The following GATA4 variants were observed in gnomAD, a reference collection of about 807,000 sequenced individuals.
GATA4 encodes transcription factor GATA-4.
A neutral mutation model predicts 37.9 loss-of-function variants in GATA4; 7 were observed. The ratio of observed to expected loss-of-function variants is 0.18; its 90% CI spans 0.11 to 0.35. The LOEUF (loss-of-function observed/expected upper bound fraction) is 0.35. Ranked by LOEUF, GATA4 falls within the 10% of genes least tolerant of loss-of-function variation. The pLI is 1.00. For missense variants in GATA4, 647 were observed against 653.0 expected (o/e 0.99, Z 0.10); for synonymous variants, 372 against 292.6 (o/e 1.27, Z -2.77).
rs376482425 is a variant in GATA4 at position 11,737,696 on chromosome 8, C to A, written c.617-11220C>A. On this transcript the variant is annotated intron_variant, in intron 2 of 6. Coordinates refer to ENST00000532059, the MANE Select transcript of GATA4 (RefSeq NM_001308093.3). The stretch of plus-strand genomic sequence containing the variant: ...CAGGAGTGCAGCAAAGCTGAGGACC[C>A]ACTTGGGAAATGGGTTCCATTTTCC... Among the ~76,000 whole-genome samples the A allele has an allele frequency of 3.3e-5, 5 of 152,244 alleles. No homozygotes were observed. The South Asian group carries it at 6.2e-4, about 19-fold the overall frequency.
chr8:11,750,297 C>A, intron 4 of GATA4, 61 bp downstream of exon 4: 1 of 1,601,302 alleles, frequency 6.2e-7, no homozygotes, highest in Non-Finnish European at 8.5e-7. Flanking sequence ...CTCAGTCCTC[C>A]CTTGTCTTCT....
At chr8:11,739,996 C>T (rs953500419) in intron 2 of GATA4, among the ~76,000 whole-genome samples, 2 of 152,226 alleles carry the variant, frequency 1.3e-5, no homozygotes, top group African/African-American at 4.8e-5. Flanking sequence ...CTCAACAAGG[C>T]AGTGGACAGG....
chr8:11,754,031 C>T (rs1802433862), intron 4 of GATA4, among the ~76,000 whole-genome samples: 1 of 152,216 alleles, frequency 6.6e-6, no homozygotes, highest in African/African-American at 2.4e-5. Flanking sequence ...TATCTCAGAA[C>T]CTGGTCACAG....
chr8:11,718,327 G>A (rs770101761), intron 2 of GATA4, among the ~76,000 whole-genome samples: 17 of 152,224 alleles, frequency 1.1e-4, no homozygotes, highest in Non-Finnish European at 2.2e-4. Context: ...TTATCTGAAT[G>A]ATGGGAATTT....
rs55916536 is a variant in GATA4, at chr8:11,724,719, A to AGTGT, written c.616+15802_616+15805dup. Reference sequence around the variant, plus strand: ...TGCCTTAGGGACACATGCACAAAGAAGTGTGTGTGTGTGTATCAAATGCAT... The same window carrying AGTGT: ...TGCCTTAGGGACACATGCACAAAGAAGTGTGTGTGTGTGTGTGTATCAAATGCAT... On this transcript the variant is annotated intron_variant, in intron 2 of 6. Coordinates refer to ENST00000532059, the MANE Select transcript of GATA4 (RefSeq NM_001308093.3). Among the ~76,000 whole-genome samples the AGTGT allele has an allele frequency of 1.7e-4, 26 of 152,010 alleles. No individual in the cohort carries two copies. In the South Asian group the frequency reaches 3.1e-3, roughly 18 times the overall value.
chr8:11,688,386 A>G (rs997563831), upstream of GATA4, among the ~76,000 whole-genome samples: 2 of 152,234 alleles, frequency 1.3e-5, no homozygotes, highest in African/African-American at 4.8e-5. Flanking sequence ...TCTTTTGAGT[A>G]TGTATTGTGT....
chr8:11,691,119 G>T (rs1008117267), upstream of GATA4, among the ~76,000 whole-genome samples: 2 of 152,202 alleles, frequency 1.3e-5, no homozygotes, highest in South Asian at 4.1e-4. Context: ...CATACTTGGC[G>T]CTGTGCCTGG....
rs1031735738 is a variant in GATA4, at chr8:11,708,202, G to A, written c.-111G>A. ...TTCCCCTTTGATTTTTGATCTTCGC[G>A]ACAGTTCCTCCCACGCATATTATCG... On this transcript the variant is annotated 5_prime_UTR_variant, in exon 2 of 7. Transcript: ENST00000532059. The surrounding 1 kb of genome is among the most constrained non-coding windows in gnomAD (Gnocchi z 6.7). The A allele has an allele frequency of 8.1e-7, 1 of 1,232,106 alleles. No homozygotes were observed. The highest frequency in any genetic ancestry group is 1.1e-6 in the Non-Finnish European group (1 of 872,012). 76.3% of individuals were successfully genotyped at this position (1,232,106 alleles called of 1,614,324 possible). A position where few individuals can be genotyped will look rare whatever the true frequency, so the allele number is the denominator to read the frequency against.
chr8:11,725,862 G>C (rs1412777752), intron 2 of GATA4, among the ~76,000 whole-genome samples: 1 of 152,224 alleles, frequency 6.6e-6, no homozygotes, highest in African/African-American at 2.4e-5. Flanking sequence ...CCTGGGCCCG[G>C]GGGGTGGGGT....
In GATA4 at chr8:11,756,932, C is replaced by G. The variant is rs1184164811; in HGVS notation, c.1001-3C>G. 6.2e-7 allele frequency: 1 copy of G among 1,614,240 alleles called. No individual in the cohort carries two copies. The highest frequency in any genetic ancestry group is 8.5e-7 in the Non-Finnish European group (1 of 1,180,050). ...TGGGTGTGCTGACTCTGCTTCATTC[C>G]AGCTCCTTCAGGCAGTGAGAGCCTT... On this transcript the variant is annotated splice_polypyrimidine_tract_variant and splice_region_variant and intron_variant, in intron 5 of 6. Coordinates refer to ENST00000532059, the MANE Select transcript of GATA4 (RefSeq NM_001308093.3).
intron 1 of GATA4, among the ~76,000 whole-genome samples, chr8:11,679,376 G>A (rs1798881781): frequency 6.6e-6 from 1 of 152,246 alleles, no homozygotes; most frequent in Admixed American, 6.5e-5. Flanking sequence ...CCGCACGACT[G>A]TAGGTGGAGG....
chr8:11,694,567 G>C lies in GATA4; in HGVS notation c.-729+1907G>C. ...AAGCTCTCCCAGGGTGAGGGACAGA[G>C]AAGATCATGGAAGCCAAACTGTCTG... On this transcript the variant is annotated intron_variant, in intron 1 of 2. Coordinates refer to the GATA4 transcript ENST00000526974. 3 of 922,898 alleles carry C rather than the reference G, an allele frequency of 3.3e-6. No homozygotes were observed. The South Asian group carries it at 1.5e-4, about 46-fold the overall frequency. The allele number at this position is 922,898 out of a possible 1,614,324, so 57.2% of individuals were successfully genotyped here.
At chr8:11,706,423 G>C (rs367874745) in intron 1 of GATA4, among the ~76,000 whole-genome samples, 1 of 152,148 alleles carries the variant, frequency 6.6e-6, no homozygotes, top group East Asian at 1.9e-4. Context: ...CTTTTTGCCT[G>C]TTAGGACAGT....
At position 11,709,007 on chromosome 8, in the gene GATA4, T is replaced by C. The variant is rs1468818882; in HGVS notation, c.616+79T>C. 8.4e-5 allele frequency: 119 copies of C among 1,415,566 alleles called. No homozygotes were observed. Among genetic ancestry groups the C allele is most frequent in the Non-Finnish European group, 1.1e-4 (118 of 1,070,090 alleles). 87.7% of individuals were successfully genotyped at this position (1,415,566 alleles called of 1,614,324 possible). ...TGAGCCCTGTCGAGGGCCTCTTGTT[T>C]TTCCACCAACGCCTTCGTTGGGCTG... On this transcript the variant is annotated intron_variant, in intron 2 of 6. Transcript: ENST00000532059. This position sits in a 1 kb window ranked among gnomAD's most constrained non-coding sequence, Gnocchi z 4.3.
chr8:11,704,354 C>G (rs1015230006), intron 1 of GATA4, 50 bp downstream of exon 1: 1 of 152,290 alleles, frequency 6.6e-6, no homozygotes, highest in Non-Finnish European at 1.5e-5. Context: ...GTCCCCCAAA[C>G]TCGGAGCTTC....
chr8:11,729,149 C>G (rs1294168281), intron 2 of GATA4, among the ~76,000 whole-genome samples: 6 of 152,152 alleles, frequency 3.9e-5, no homozygotes, highest in Non-Finnish European at 7.3e-5. Context: ...AGGAGAATCA[C>G]TTGAACCTGG....
chr8:11,751,940 G>C (rs1037566603), intron 4 of GATA4, among the ~76,000 whole-genome samples: 18 of 152,094 alleles, frequency 1.2e-4, no homozygotes, highest in Non-Finnish European at 5.9e-5. Flanking sequence ...TCTACTGTTG[G>C]GAAACTAGCC....
intron 1 of GATA4, chr8:11,683,147 A>G (rs1240032093): frequency 3.1e-6 from 3 of 982,838 alleles, no homozygotes; most frequent in Non-Finnish European, 2.4e-6. Flanking sequence ...GCTCCAGCAG[A>G]GATAATGGAG....
chr8:11,707,996 C>G lies in GATA4; in HGVS notation c.-317C>G, dbSNP rs1368818824. The G allele has an allele frequency of 2.5e-6, 1 of 399,556 alleles. No individual in the cohort carries two copies. Among genetic ancestry groups the G allele is most frequent in the East Asian group, 5.9e-5 (1 of 16,974 alleles). The allele number at this position is 399,556 out of a possible 1,614,324, so 24.8% of individuals were successfully genotyped here. On this transcript the variant is annotated 5_prime_UTR_variant, in exon 2 of 7. Coordinates refer to ENST00000532059, the MANE Select transcript of GATA4 (RefSeq NM_001308093.3). The surrounding 1 kb of genome is among the most constrained non-coding windows in gnomAD (Gnocchi z 4.7). ...ACCTCCAGGCCTGGACGCTGCCCTC[C>G]GTCTTCTGCCCCCAATAGGTGCGCC...
Sources: allele counts gnomAD v4.1 joint callset (sites outside exome capture counted in the v4.1 genomes callset), GRCh38; gene constraint gnomAD v4.1.1; non-coding constraint Gnocchi (gnomAD v3.1); transcripts MANE v1.5; gene names NCBI Gene and HGNC (gene_info 2026-07-23, HGNC 2026-07-21).